Variants in STXBP6 observed in about 807,000 individuals in gnomAD.
STXBP6 encodes syntaxin-binding protein 6.
STXBP6 carries 21 observed loss-of-function variants against 26.9 expected under a neutral mutation model. The observed-to-expected ratio is 0.78, with a 90% CI of 0.55 to 1.12. The LOEUF is 1.12. Ranked by LOEUF, STXBP6 falls within the 50% of genes most tolerant of loss-of-function variation. The probability of loss-of-function intolerance (pLI) is 0.00; values close to 1 mark genes in which losing one functional copy is unlikely to be tolerated. For missense variants in STXBP6, 232 were observed against 257.9 expected (o/e 0.90, Z 0.69); for synonymous variants, 97 against 92.6 (o/e 1.05, Z -0.27).
chr14:24,993,499 C>T (rs2074525720), intron 1 of STXBP6, among the ~76,000 whole-genome samples: 1 of 152,190 alleles, frequency 6.6e-6, no homozygotes, highest in African/African-American at 2.4e-5. Flanking sequence ...TACCAACATC[C>T]TCTGTACAAT....
chr14:24,876,151 CT>C (rs1385825399), intron 2 of STXBP6, among the ~76,000 whole-genome samples: 2 of 152,058 alleles, frequency 1.3e-5, no homozygotes, highest in African/African-American at 4.8e-5. Context: ...TGAAACTACC[CT>C]TGTGCTTCCA....
At chr14:25,046,287 G>A (rs563742991) in intron 1 of STXBP6, among the ~76,000 whole-genome samples, 8 of 152,292 alleles carry the variant, frequency 5.3e-5, no homozygotes, top group African/African-American at 1.9e-4. Flanking sequence ...TACTAAGTGG[G>A]AAAAACCATT....
At chr14:24,893,543 T>C (rs938744839) in intron 2 of STXBP6, among the ~76,000 whole-genome samples, 1 of 152,190 alleles carries the variant, frequency 6.6e-6, no homozygotes, top group Non-Finnish European at 1.5e-5. Flanking sequence ...ACAGGCAATA[T>C]ATATAAAAAC....
intron 1 of STXBP6, among the ~76,000 whole-genome samples, chr14:24,992,027 T>C (rs1733789503): frequency 6.6e-6 from 1 of 152,214 alleles, no homozygotes; most frequent in Non-Finnish European, 1.5e-5. Flanking sequence ...GCTTTATCAC[T>C]GTGCCAAGCA....
intron 1 of STXBP6, among the ~76,000 whole-genome samples, chr14:25,000,034 T>C (rs2074715097): frequency 6.6e-6 from 1 of 152,208 alleles, no homozygotes; most frequent in South Asian, 2.1e-4. Context: ...TGAGATAATT[T>C]ATTTAAAGTT....
intron 2 of STXBP6, among the ~76,000 whole-genome samples, chr14:24,944,665 G>A (rs1194086950): frequency 6.6e-6 from 1 of 152,078 alleles, no homozygotes; most frequent in Non-Finnish European, 1.5e-5. Flanking sequence ...CTTCGATCCG[G>A]GGCTCTCATC....
chr14:24,823,621 C>T (rs2068202959), intron 4 of STXBP6, among the ~76,000 whole-genome samples: 1 of 152,054 alleles, frequency 6.6e-6, no homozygotes, highest in Non-Finnish European at 1.5e-5. Context: ...TAAATATATG[C>T]CCATCTATAC....
At chr14:24,892,952 G>A (rs563191547) in intron 2 of STXBP6, among the ~76,000 whole-genome samples, 58 of 152,228 alleles carry the variant, frequency 3.8e-4, no homozygotes, top group Non-Finnish European at 6.9e-4. Flanking sequence ...TCCACATTCC[G>A]CTGCTTTGAA....
At chr14:25,024,832 G>C (rs1176048085) in intron 1 of STXBP6, among the ~76,000 whole-genome samples, 1 of 152,182 alleles carries the variant, frequency 6.6e-6, no homozygotes. Context: ...AATTTTAAGT[G>C]TGATTCACAA....
At chr14:25,019,579 C>G (rs2075223006) in intron 1 of STXBP6, among the ~76,000 whole-genome samples, 1 of 152,178 alleles carries the variant, frequency 6.6e-6, no homozygotes, top group South Asian at 2.1e-4. Flanking sequence ...CTGCTGTAAG[C>G]TATAAGACAT....
chr14:24,969,590 T>G (rs2093714), intron 2 of STXBP6, among the ~76,000 whole-genome samples: 1 of 152,062 alleles, frequency 6.6e-6, no homozygotes, highest in African/African-American at 2.4e-5. Flanking sequence ...TAATCAGGTA[T>G]GTAGTAAACA....
At chr14:24,925,232 C>T (rs993374548) in intron 2 of STXBP6, among the ~76,000 whole-genome samples, 2 of 152,206 alleles carry the variant, frequency 1.3e-5, no homozygotes, top group South Asian at 2.1e-4. Context: ...CAGCTCTTGA[C>T]AGTCCTTCTA....
intron 1 of STXBP6, among the ~76,000 whole-genome samples, chr14:25,017,754 G>A (rs1238245616): frequency 1.3e-5 from 2 of 152,186 alleles, no homozygotes; most frequent in African/African-American, 4.8e-5. Flanking sequence ...ATGGGAGGAA[G>A]ATAGCATCTG....
intron 1 of STXBP6, among the ~76,000 whole-genome samples, chr14:25,008,389 TG>T (rs1241512950): frequency 6.6e-6 from 1 of 151,762 alleles, no homozygotes; most frequent in Non-Finnish European, 1.5e-5. Flanking sequence ...CCAGCTGAAG[TG>T]GGAGGATTGC....
intron 2 of STXBP6, among the ~76,000 whole-genome samples, chr14:24,876,310 T>A (rs1411630061): frequency 1.3e-5 from 2 of 152,256 alleles, no homozygotes; most frequent in Non-Finnish European, 2.9e-5. Flanking sequence ...GAATTCTGGA[T>A]ACTCTATGCT....
In STXBP6 at chr14:25,049,634, G is replaced by A; in HGVS notation, c.-33+244C>T. The A allele has an allele frequency of 1.0e-6, 1 of 985,460 alleles. No homozygotes were observed. Among genetic ancestry groups the A allele is most frequent in the Non-Finnish European group, 1.2e-6 (1 of 829,958 alleles). 61.0% of individuals were successfully genotyped at this position (985,460 alleles called of 1,614,324 possible). On this transcript the variant is annotated intron_variant, in intron 1 of 5. Transcript: ENST00000323944. This position sits in a 1 kb window ranked among gnomAD's most constrained non-coding sequence, Gnocchi z 5.6. ...GCCCGCACAACGGGTCCCAGGGTTG[G>A]AGAGAACCAGGGACACGAGTCCCTC... is the stretch of plus-strand genomic sequence containing the variant.
intron 2 of STXBP6, among the ~76,000 whole-genome samples, chr14:24,877,679 C>T (rs760677757): frequency 1.8e-4 from 28 of 152,146 alleles, no homozygotes; most frequent in Non-Finnish European, 3.8e-4. Context: ...TAACCAGTCC[C>T]CCACTGATGG....
intron 2 of STXBP6, among the ~76,000 whole-genome samples, chr14:24,935,010 A>G (rs976587877): frequency 7.9e-5 from 12 of 152,188 alleles, no homozygotes; most frequent in Middle Eastern, 3.2e-3. Context: ...GAGCAATGGG[A>G]TGGTGGAAGA....
intron 4 of STXBP6, among the ~76,000 whole-genome samples, chr14:24,837,634 G>C (rs2068657852): frequency 6.6e-6 from 1 of 152,196 alleles, no homozygotes; most frequent in East Asian, 1.9e-4. Flanking sequence ...AGTCAAGTTA[G>C]AGCTCTGCTA....
Sources: gnomAD v4.1 joint callset for allele counts (sites outside exome capture counted in the v4.1 genomes callset) on GRCh38, gnomAD v4.1.1 for gene constraint, Gnocchi (gnomAD v3.1) non-coding constraint, MANE v1.5 for transcripts, NCBI Gene and HGNC (gene_info 2026-07-23, HGNC 2026-07-21) for gene names.